Variants in ABCA13 observed in about 807,000 individuals in gnomAD.
ABCA13 encodes ATP-binding cassette sub-family A member 13.
ABCA13 carries 476 observed loss-of-function variants against 478.7 expected under a neutral mutation model. That is an observed-to-expected ratio of 0.99 (90% CI 0.92 to 1.07). The LOEUF (loss-of-function observed/expected upper bound fraction) is 1.07. ABCA13 is among the 50% of genes least tolerant of loss of function. The pLI, the probability that ABCA13 is intolerant of heterozygous loss-of-function variation, is 0.00. For missense variants in ABCA13, 6,060 were observed against 5,910.6 expected, an observed-to-expected ratio of 1.03 and a Z score of -0.83; for synonymous variants, 2,252 against 2,158.9, an observed-to-expected ratio of 1.04 and a Z score of -1.20.
chr7:48,337,082 A>G (rs752646862), intron 28 of ABCA13, among the ~76,000 whole-genome samples: 3 of 152,194 alleles, frequency 2.0e-5, no homozygotes, highest in African/African-American at 4.8e-5. Context: ...CCAGTTGAAG[A>G]ACTTATCTTC....
intron 37 of ABCA13, among the ~76,000 whole-genome samples, chr7:48,391,148 A>C (rs1382048979): frequency 6.6e-6 from 1 of 152,198 alleles, no homozygotes; most frequent in Non-Finnish European, 1.5e-5. Context: ...TTTAACACAC[A>C]CAGACTATCC....
At chr7:48,233,875 T>C in intron 7 of ABCA13, 143 bp from the exon 8 acceptor site, 1 of 890,614 alleles carries the variant, frequency 1.1e-6, no homozygotes, top group Admixed American at 2.7e-5. Flanking sequence ...TCTGTTTGCT[T>C]TTTCTATCTG....
intron 3 of ABCA13, among the ~76,000 whole-genome samples, chr7:48,210,810 T>C (rs1306654637): frequency 1.3e-5 from 2 of 152,168 alleles, no homozygotes; most frequent in Non-Finnish European, 2.9e-5. Flanking sequence ...GAATGCAGAT[T>C]CTGTAGCTGT....
intron 10 of ABCA13, among the ~76,000 whole-genome samples, chr7:48,242,683 C>T (rs1187877145): frequency 6.6e-6 from 1 of 152,172 alleles, no homozygotes; most frequent in East Asian, 1.9e-4. Context: ...AAGTGATCTG[C>T]CCTCCTCGGC....
chr7:48,395,442 AC>A (rs1816711533), intron 38 of ABCA13, among the ~76,000 whole-genome samples: 1 of 152,218 alleles, frequency 6.6e-6, no homozygotes, highest in African/African-American at 2.4e-5. Context: ...TTTTCAACAT[AC>A]AGTTGACTCT....
At chr7:48,318,687 C>T (rs967872014) in intron 27 of ABCA13, among the ~76,000 whole-genome samples, 1 of 152,050 alleles carries the variant, frequency 6.6e-6, no homozygotes, top group African/African-American at 2.4e-5. Context: ...CTCACAGCTG[C>T]CATCCCAGGA....
chr7:48,263,666 A>C (rs1227272472), intron 15 of ABCA13, among the ~76,000 whole-genome samples: 1 of 151,882 alleles, frequency 6.6e-6, no homozygotes, highest in African/African-American at 2.4e-5. Flanking sequence ...TCAAAATTTT[A>C]AGGCATTACA....
rs572304224 is a variant in ABCA13 at position 48,356,401 on chromosome 7, T to C, written c.10688+3914T>C. 8.6e-5 allele frequency among the ~76,000 whole-genome samples: 13 copies of C among 150,568 alleles called. No homozygotes were observed. The South Asian group carries it at 2.7e-3, about 32-fold the overall frequency. On this transcript the variant is annotated intron_variant, in intron 31 of 61. Transcript: ENST00000435803. ...TTGGAAGAAGTCTTTTTTTTTTTTT[T>C]AAATATAAGATGCTACCTGGGGAAT...
chr7:48,408,617 CTAT>C (rs983357197), intron 39 of ABCA13, among the ~76,000 whole-genome samples: 1 of 152,006 alleles, frequency 6.6e-6, no homozygotes, highest in East Asian at 1.9e-4. Context: ...GGTGTCTCCT[CTAT>C]TATTGTTATT....
chr7:48,530,381 C>T (rs532791721), intron 55 of ABCA13, among the ~76,000 whole-genome samples: 1 of 151,564 alleles, frequency 6.6e-6, no homozygotes, highest in African/African-American at 2.4e-5. Flanking sequence ...TATTCTTTAT[C>T]CACTTGTTGA....
chr7:48,241,280 G>A (rs1159012988), intron 10 of ABCA13, among the ~76,000 whole-genome samples: 1 of 152,202 alleles, frequency 6.6e-6, no homozygotes, highest in East Asian at 1.9e-4. Flanking sequence ...GGCTGCAATC[G>A]ACCGAATACG....
intron 3 of ABCA13, among the ~76,000 whole-genome samples, chr7:48,198,568 C>A (rs1389901738): frequency 6.6e-6 from 1 of 152,336 alleles, no homozygotes; most frequent in Non-Finnish European, 1.5e-5. Flanking sequence ...CTGTCACTTG[C>A]GGGACTCACA....
intron 38 of ABCA13, among the ~76,000 whole-genome samples, chr7:48,399,200 A>G (rs1817260521): frequency 6.6e-6 from 1 of 152,246 alleles, no homozygotes; most frequent in Non-Finnish European, 1.5e-5. Flanking sequence ...TGAGGTCAAG[A>G]GAAAAAATGC....
chr7:48,199,358 G>T (rs931606618), intron 3 of ABCA13, among the ~76,000 whole-genome samples: 11 of 152,284 alleles, frequency 7.2e-5, no homozygotes, highest in South Asian at 6.2e-4. Context: ...CCAAGATCAA[G>T]GTGCCAGCTG....
chr7:48,442,934 A>G (rs1823824680), intron 42 of ABCA13, among the ~76,000 whole-genome samples: 2 of 152,278 alleles, frequency 1.3e-5, no homozygotes, highest in Middle Eastern at 3.4e-3. Context: ...CTGTTTGTTG[A>G]AGTCTTAACC....
intron 43 of ABCA13, among the ~76,000 whole-genome samples, chr7:48,456,197 A>G (rs966188427): frequency 6.6e-6 from 1 of 152,264 alleles, no homozygotes; most frequent in African/African-American, 2.4e-5. Flanking sequence ...CTAAGAGGAC[A>G]GTGTCAGTTC....
At chr7:48,470,001 C>CAAACCTG (rs970083783) in intron 44 of ABCA13, among the ~76,000 whole-genome samples, 1 of 152,210 alleles carries the variant, frequency 6.6e-6, no homozygotes, top group Admixed American at 6.5e-5. Context: ...CCAGTGTGTC[C>CAAACCTG]AAACCTGAAG....
At chr7:48,306,067 C>T (rs1800858423) in intron 23 of ABCA13, among the ~76,000 whole-genome samples, 1 of 152,214 alleles carries the variant, frequency 6.6e-6, no homozygotes, top group African/African-American at 2.4e-5. Flanking sequence ...TACTCTCAAA[C>T]AGGAACAACG....
At chr7:48,288,259 C>T (rs1433289251) in intron 20 of ABCA13, among the ~76,000 whole-genome samples, 181 bp downstream of exon 20, 1 of 152,138 alleles carries the variant, frequency 6.6e-6, no homozygotes, top group Non-Finnish European at 1.5e-5. Flanking sequence ...TTGGCCTCTC[C>T]CAGTGGTGTG....
Sources: gnomAD v4.1 joint callset for allele counts (sites outside exome capture counted in the v4.1 genomes callset) on GRCh38, gnomAD v4.1.1 for gene constraint, MANE v1.5 for transcripts, NCBI Gene and HGNC (gene_info 2026-07-23, HGNC 2026-07-21) for gene names.